Variants in TMEM245 observed in about 807,000 individuals in gnomAD.
The protein encoded by TMEM245 is protein CG-2.
TMEM245 carries 69 observed loss-of-function variants against 101.2 expected under a neutral mutation model. The ratio of observed to expected loss-of-function variants is 0.68; its 90% CI spans 0.56 to 0.83. The LOEUF (loss-of-function observed/expected upper bound fraction) is 0.83, where lower values mean the gene tolerates loss of function less well. TMEM245 is among the 40% of genes least tolerant of loss of function. The pLI is 0.00. For missense variants in TMEM245, 1,075 were observed against 1,092.8 expected, an observed-to-expected ratio of 0.98 and a Z score of 0.23; for synonymous variants, 537 against 449.8, an observed-to-expected ratio of 1.19 and a Z score of -2.45.
At chr9:109,032,156 A>G (rs890608893) in intron 17 of TMEM245, among the ~76,000 whole-genome samples, 6 of 152,132 alleles carry the variant, frequency 3.9e-5, no homozygotes, top group Admixed American at 6.5e-5. Flanking sequence ...CAGAACCAAA[A>G]TATCATTGGT....
intron 16 of TMEM245, among the ~76,000 whole-genome samples, chr9:109,035,661 T>G (rs929300828): frequency 1.8e-4 from 28 of 152,212 alleles, no homozygotes; most frequent in African/African-American, 6.5e-4. Flanking sequence ...AAATATTTGA[T>G]GTACATCTGG....
intron 9 of TMEM245, among the ~76,000 whole-genome samples, chr9:109,071,652 A>AG (rs2132481154): frequency 6.6e-6 from 1 of 152,144 alleles, no homozygotes; most frequent in East Asian, 1.9e-4. Flanking sequence ...GTAATGTCCT[A>AG]GGCAGGTTTT....
intron 14 of TMEM245, chr9:109,046,222 C>G: frequency 1.9e-6 from 1 of 534,532 alleles, no homozygotes; most frequent in Non-Finnish European, 3.8e-6. Flanking sequence ...TGTGCATGCA[C>G]TCATGTGAAA....
In TMEM245 at chr9:109,119,071, T is replaced by C. The variant is rs191565942; in HGVS notation, c.579+264A>G. On this transcript the variant is annotated intron_variant, in intron 1 of 17. Transcript: ENST00000374586. Reference sequence around the variant, plus strand: ...TGCAAAGCGAAATAACGATTCTCAATCCAGGGCACTGTCCCCCTAAGAGGG... The same window carrying C: ...TGCAAAGCGAAATAACGATTCTCAACCCAGGGCACTGTCCCCCTAAGAGGG... Among the ~76,000 whole-genome samples, 299 of 152,258 alleles carry C rather than the reference T, an allele frequency of 2.0e-3. 1 individual carries two copies. Among genetic ancestry groups the C allele is most frequent in the African/African-American group, 6.6e-3 (274 of 41,544 alleles).
chr9:109,052,868 C>T (rs1828727417), intron 12 of TMEM245, among the ~76,000 whole-genome samples: 1 of 151,690 alleles, frequency 6.6e-6, no homozygotes, highest in East Asian at 1.9e-4. Context: ...TGTGGTAATT[C>T]TTAAGAAATT....
At position 109,060,472 on chromosome 9, in the gene TMEM245, C is replaced by T. The variant is rs368387090; in HGVS notation, c.1624-20G>A. On this transcript the variant is annotated intron_variant, in intron 10 of 17. Transcript: ENST00000374586. ...ATGGAGCTAGAAAAAAACACAGATACGACGTGGTACAATATTTCAGGCAAC... is the reference window on the plus strand; with the variant it reads ...ATGGAGCTAGAAAAAAACACAGATATGACGTGGTACAATATTTCAGGCAAC... 29 of 1,527,212 alleles carry T rather than the reference C, an allele frequency of 1.9e-5. No homozygotes were observed. Among genetic ancestry groups the T allele is most frequent in the South Asian group, 9.1e-5 (8 of 87,540 alleles). 94.6% of individuals were successfully genotyped at this position (1,527,212 alleles called of 1,614,324 possible). A position where few individuals can be genotyped will look rare whatever the true frequency, so the allele number is the denominator to read the frequency against.
At chr9:109,070,710 C>T (rs1050248304) in intron 9 of TMEM245, among the ~76,000 whole-genome samples, 1 of 152,176 alleles carries the variant, frequency 6.6e-6, no homozygotes, top group African/African-American at 2.4e-5. Flanking sequence ...ATCTATCACT[C>T]CTAAAAATTT....
At chr9:109,048,525 G>A (rs10979667) in intron 14 of TMEM245, among the ~76,000 whole-genome samples, 30,131 of 152,090 alleles carry the variant, frequency 0.2, 3,097 homozygotes, top group South Asian at 0.35. Flanking sequence ...CCAAAGATTT[G>A]CTATTCAAGA....
intron 17 of TMEM245, among the ~76,000 whole-genome samples, chr9:109,031,274 G>T (rs986073621): frequency 1.3e-5 from 2 of 152,150 alleles, no homozygotes; most frequent in Non-Finnish European, 2.9e-5. Flanking sequence ...GTACAAAAAC[G>T]TTCGTGGCAA....
intron 1 of TMEM245, among the ~76,000 whole-genome samples, chr9:109,109,273 A>G (rs2132651729): frequency 6.6e-6 from 1 of 152,288 alleles, no homozygotes; most frequent in South Asian, 2.1e-4. Flanking sequence ...CTAGAGCTTA[A>G]GACGCATCAA....
At chr9:109,022,849 C>T (rs1827671881) in intron 17 of TMEM245, among the ~76,000 whole-genome samples, 1 of 152,194 alleles carries the variant, frequency 6.6e-6, no homozygotes, top group African/African-American at 2.4e-5. Context: ...TTTTCTAATA[C>T]CCAACGGGGT....
intron 1 of TMEM245, among the ~76,000 whole-genome samples, chr9:109,113,969 G>A (rs539358881): frequency 6.6e-6 from 1 of 152,204 alleles, no homozygotes; most frequent in South Asian, 2.1e-4. Flanking sequence ...CAGGCTACTC[G>A]GGAGGCTGAG....
chr9:109,018,993 CCT>C lies in TMEM245; in HGVS notation c.*1465_*1466del, dbSNP rs985072261. ...TCCCTGGGCTCAAGCAATCCACCCA[CCT>C]CAGCCTTCCAAAGTGCTGGGATTAC... is the stretch of plus-strand genomic sequence containing the variant. On this transcript the variant is annotated 3_prime_UTR_variant, in exon 18 of 18. Coordinates refer to ENST00000374586, the MANE Select transcript of TMEM245 (RefSeq NM_032012.4). 4 of 150,246 alleles carry C rather than the reference CCT, an allele frequency of 2.7e-5. No homozygotes were observed. Among genetic ancestry groups the C allele is most frequent in the African/African-American group, 9.9e-5 (4 of 40,596 alleles). 9.3% of individuals were successfully genotyped at this position (150,246 alleles called of 1,614,324 possible). A position where few individuals can be genotyped will look rare whatever the true frequency, so the allele number is the denominator to read the frequency against.
In TMEM245 at chr9:109,057,260, C is replaced by A; in HGVS notation, c.1785G>T (p.Trp595Cys). The A allele has an allele frequency of 6.2e-7, 1 of 1,614,094 alleles. No individual in the cohort carries two copies. The highest frequency in any genetic ancestry group is 8.5e-7 in the Non-Finnish European group (1 of 1,179,964). ...CCTGCCAGTCCAGAATGTCTCCCAGCCAGCTATTCTGACGACTGACATGCA... is the reference window on the plus strand; with the variant it reads ...CCTGCCAGTCCAGAATGTCTCCCAGACAGCTATTCTGACGACTGACATGCA... ...QKLHVSRQNS[W>C]LGDILDWQDI... The change falls in exon 12 of 18, where the codon TGG becomes TGT. Residue 595 changes from tryptophan (W) to cysteine (C), a missense_variant. By Grantham distance (215) the Trp-to-Cys change is radical. This residue lies in a region of TMEM245 where 267 missense variants were observed against 351.3 expected (regional missense o/e 0.76). Coordinates refer to ENST00000374586, the MANE Select transcript of TMEM245 (RefSeq NM_032012.4).
At chr9:109,096,287 G>A (rs1246877568) in intron 3 of TMEM245, among the ~76,000 whole-genome samples, 2 of 152,126 alleles carry the variant, frequency 1.3e-5, no homozygotes, top group African/African-American at 2.4e-5. Context: ...GACCAGCATC[G>A]CCAACATGCC....
At chr9:109,078,401 G>A (rs752851495) in intron 8 of TMEM245, among the ~76,000 whole-genome samples, 6 of 152,066 alleles carry the variant, frequency 3.9e-5, no homozygotes, top group African/African-American at 7.2e-5. Context: ...TCTTCACCCC[G>A]AAGGAGCTCT....
rs189463896 is a variant in TMEM245 at position 109,052,622 on chromosome 9, C to T, written c.1855-1930G>A. 5.6e-4 allele frequency among the ~76,000 whole-genome samples: 86 copies of T among 152,310 alleles called. 1 individual carries two copies. The highest frequency in any genetic ancestry group is 9.0e-4 in the Non-Finnish European group (61 of 68,042). On this transcript the variant is annotated intron_variant, in intron 12 of 17. Coordinates refer to ENST00000374586, the MANE Select transcript of TMEM245 (RefSeq NM_032012.4). ...GGCAGGCTGGTTTCATTTACAAAAA[C>T]TCCTTACATAAAATCTTGAAAATGC...
rs148357731 is a variant in TMEM245, at chr9:109,074,715, G to A, written c.1450-1277C>T. On this transcript the variant is annotated intron_variant, in intron 8 of 17. Coordinates refer to ENST00000374586, the MANE Select transcript of TMEM245 (RefSeq NM_032012.4). ...TTAACCAAGTAGCAAAATCACTAGG[G>A]CAAGTCACATACCAACCCAGAACAG... 4.8e-3 allele frequency among the ~76,000 whole-genome samples: 730 copies of A among 152,116 alleles called. 8 individuals are homozygous for A. Among genetic ancestry groups the A allele is most frequent in the African/African-American group, 0.017 (692 of 41,490 alleles).
At chr9:109,097,598 TC>T (rs1830175934) in intron 3 of TMEM245, among the ~76,000 whole-genome samples, 1 of 152,186 alleles carries the variant, frequency 6.6e-6, no homozygotes, top group Admixed American at 6.5e-5. Flanking sequence ...AATTCGTATC[TC>T]ATTTGAGAAT....
Sources: gnomAD v4.1 joint callset for allele counts (sites outside exome capture counted in the v4.1 genomes callset) on GRCh38, gnomAD v4.1.1 for gene constraint, gnomAD v4.1.1 regional missense constraint, MANE v1.5 for transcripts, NCBI Gene and HGNC (gene_info 2026-07-23, HGNC 2026-07-21) for gene names.